NF1: variants seen among roughly 807,000 people sequenced by gnomAD.
NF1 encodes neurofibromin 1.
In NF1, 122 loss-of-function variants were observed where a neutral mutation model predicts 325.7. The observed-to-expected ratio is 0.37, with a 90% CI of 0.32 to 0.44. NF1 has a LOEUF of 0.44. NF1 is among the 20% of genes least tolerant of loss of function. NF1 has a pLI of 1.00. For missense variants in NF1, 2,140 were observed against 3,415.4 expected, an observed-to-expected ratio of 0.63 and a Z score of 9.31; for synonymous variants, 1,091 against 1,186.0, an observed-to-expected ratio of 0.92 and a Z score of 1.65.
intron 39 of NF1, 23 bp downstream of exon 39, chr17:31,330,521 A>C (rs745786789): frequency 2.7e-6 from 4 of 1,482,974 alleles, no homozygotes; most frequent in Admixed American, 1.7e-5. Context: ...AATTTTCTTT[A>C]ATACTAACAA....
chr17:31,130,985 C>T (rs541553151), intron 1 of NF1, among the ~76,000 whole-genome samples: 55 of 152,274 alleles, frequency 3.6e-4, no homozygotes, highest in African/African-American at 1.3e-3. Flanking sequence ...TGGCCCCCCC[C>T]GGCAGTACTG....
intron 36 of NF1, chr17:31,320,580 G>T: frequency 1.6e-6 from 1 of 618,130 alleles, no homozygotes; most frequent in Non-Finnish European, 2.8e-6. Flanking sequence ...AAAGTAGCAT[G>T]TAATAAACAA....
At chr17:31,277,092 G>A (rs2068023716) in intron 36 of NF1, among the ~76,000 whole-genome samples, 1 of 152,180 alleles carries the variant, frequency 6.6e-6, no homozygotes, top group Non-Finnish European at 1.5e-5. Context: ...TATATTTACT[G>A]TTCTCTGAGT....
intron 29 of NF1, among the ~76,000 whole-genome samples, chr17:31,245,214 C>G (rs545772941): frequency 1.3e-5 from 2 of 152,276 alleles, no homozygotes; most frequent in African/African-American, 4.8e-5. Context: ...TCATACCTAC[C>G]AACTCCTAGA....
At chr17:31,349,028 G>T (rs2151572105) in intron 48 of NF1, 92 bp from the exon 49 acceptor site, 1 of 1,474,416 alleles carries the variant, frequency 6.8e-7, no homozygotes, top group Non-Finnish European at 9.2e-7. Flanking sequence ...TTTCCTTGCA[G>T]AGTTGTTAGT....
intron 36 of NF1, among the ~76,000 whole-genome samples, chr17:31,306,851 T>C (rs1318420839): frequency 6.6e-6 from 1 of 151,000 alleles, no homozygotes; most frequent in African/African-American, 2.4e-5. Flanking sequence ...ATTCTAGTGA[T>C]AGAAGCAAAC....
At chr17:31,161,804 G>A (rs1248892244) in intron 3 of NF1, among the ~76,000 whole-genome samples, 1 of 152,054 alleles carries the variant, frequency 6.6e-6, no homozygotes, top group Admixed American at 6.5e-5. Flanking sequence ...GGGAGATCGA[G>A]ACAGGCGGAG....
chr17:31,328,246 C>T (rs1313260335), intron 38 of NF1, among the ~76,000 whole-genome samples: 1 of 152,194 alleles, frequency 6.6e-6, no homozygotes, highest in Non-Finnish European at 1.5e-5. Context: ...AACATTATTG[C>T]ATACTTTCCA....
chr17:31,209,987 G>A (rs1369578127), intron 12 of NF1, among the ~76,000 whole-genome samples: 3 of 152,130 alleles, frequency 2.0e-5, no homozygotes, highest in East Asian at 3.9e-4. Context: ...TGTTTGTTGG[G>A]TCTGTTTTTA....
rs950151975 is a variant in NF1, at chr17:31,227,726, T to C, written c.2409+120T>C. The C allele has an allele frequency of 3.8e-5, 33 of 878,836 alleles. No homozygotes were observed. In the African/African-American group the frequency reaches 3.8e-4, roughly 10 times the overall value. 54.4% of individuals were successfully genotyped at this position (878,836 alleles called of 1,614,324 possible). A position where few individuals can be genotyped will look rare whatever the true frequency, so the allele number is the denominator to read the frequency against. ...ACATATAGCTGTGTGAAGACTGATA[T>C]TTAGTTGTGGTTTATCTAGACCTGT... On this transcript the variant is annotated intron_variant, in intron 20 of 57. Transcript: ENST00000358273.
chr17:31,161,816 G>A (rs774629910), intron 3 of NF1, among the ~76,000 whole-genome samples: 9 of 151,538 alleles, frequency 5.9e-5, no homozygotes, highest in Non-Finnish European at 1.2e-4. Flanking sequence ...CAGGCGGAGA[G>A]CTTGAGGTCA....
chr17:31,373,687 T>G (rs2070687691), intron 57 of NF1, among the ~76,000 whole-genome samples: 1 of 152,186 alleles, frequency 6.6e-6, no homozygotes, highest in Non-Finnish European at 1.5e-5. Flanking sequence ...TCCCGAAAGA[T>G]TATAATACTG....
At chr17:31,101,258 A>G (rs915143683) in intron 1 of NF1, among the ~76,000 whole-genome samples, 3 of 151,928 alleles carry the variant, frequency 2.0e-5, no homozygotes, top group African/African-American at 7.3e-5. Flanking sequence ...CCGGAAACCA[A>G]TCTCTTCCAG....
chr17:31,326,971 G>T (rs2069359653), intron 37 of NF1, among the ~76,000 whole-genome samples: 1 of 151,922 alleles, frequency 6.6e-6, no homozygotes, highest in East Asian at 1.9e-4. Flanking sequence ...CTGTTGCCTA[G>T]GCTGGAGTGC....
intron 1 of NF1, among the ~76,000 whole-genome samples, chr17:31,132,294 C>T (rs1915450097): frequency 6.6e-6 from 1 of 152,098 alleles, no homozygotes; most frequent in Non-Finnish European, 1.5e-5. Context: ...GTAATCCCAG[C>T]ACTTTGCGAG....
At chr17:31,181,589 C>A in intron 6 of NF1, 100 bp downstream of exon 6, 3 of 1,331,918 alleles carry the variant, frequency 2.3e-6, no homozygotes, top group Middle Eastern at 3.7e-4. Flanking sequence ...GTGATAGTTT[C>A]ACATTCATTT....
In NF1 at chr17:31,340,761, A is replaced by G. The variant is rs907520582; in HGVS notation, c.7062+116A>G. ...GTCCATAACTTAAGTAGGAATTTGT[A>G]TAATGTAACTTATTGTGAGTATATT... On this transcript the variant is annotated intron_variant, in intron 47 of 57. Coordinates refer to ENST00000358273, the MANE Select transcript of NF1 (RefSeq NM_001042492.3). 1.9e-5 allele frequency: 20 copies of G among 1,074,654 alleles called. No individual in the cohort carries two copies. In the South Asian group the frequency reaches 2.2e-4, roughly 12 times the overall value. 66.6% of individuals were successfully genotyped at this position (1,074,654 alleles called of 1,614,324 possible).
Position 31,374,295 on chromosome 17 carries a change from C to A in NF1, c.*140C>A. On this transcript the variant is annotated 3_prime_UTR_variant, in exon 58 of 58. Transcript: ENST00000358273. Reference sequence around the variant, plus strand: ...TGAACCCATCCGGTTTGCCATGTTGCCAGATGATCAACTCTTCGAAGCCTT... The same window carrying A: ...TGAACCCATCCGGTTTGCCATGTTGACAGATGATCAACTCTTCGAAGCCTT... 1 of 1,111,492 alleles carries A rather than the reference C, an allele frequency of 9.0e-7. No individual in the cohort carries two copies. Among genetic ancestry groups the A allele is most frequent in the Non-Finnish European group, 1.3e-6 (1 of 743,118 alleles). The allele number at this position is 1,111,492 out of a possible 1,614,324, so 68.9% of individuals were successfully genotyped here. A position where few individuals can be genotyped will look rare whatever the true frequency, so the allele number is the denominator to read the frequency against.
chr17:31,212,812 T>C (rs975730157), intron 12 of NF1, among the ~76,000 whole-genome samples: 4 of 152,186 alleles, frequency 2.6e-5, no homozygotes, highest in African/African-American at 7.2e-5. Context: ...TTTTTTTTTA[T>C]ATGACTAGAA....
Sources: gnomAD v4.1 joint callset for allele counts (sites outside exome capture counted in the v4.1 genomes callset) on GRCh38, gnomAD v4.1.1 for gene constraint, MANE v1.5 for transcripts, NCBI Gene and HGNC (gene_info 2026-07-23, HGNC 2026-07-21) for gene names.